The following ACSM1 variants were observed in gnomAD, a reference collection of about 807,000 sequenced individuals.
ACSM1 encodes acyl-coenzyme A synthetase ACSM1, mitochondrial.
Under a neutral mutation model 75.8 loss-of-function variants are expected in ACSM1, and 79 were observed. The ratio of observed to expected loss-of-function variants is 1.04; its 90% confidence interval spans 0.87 to 1.26. The LOEUF (loss-of-function observed/expected upper bound fraction) is 1.26. ACSM1 is among the 50% of genes most tolerant of loss of function. ACSM1 has a pLI of 0.00. For missense variants in ACSM1, 676 were observed against 720.1 expected, an observed-to-expected ratio of 0.94 and a Z score of 0.70; for synonymous variants, 279 against 265.8, an observed-to-expected ratio of 1.05 and a Z score of -0.48.
At chr16:20,678,600 T>A (rs2079365006) in intron 4 of ACSM1, among the ~76,000 whole-genome samples, 2 of 152,154 alleles carry the variant, frequency 1.3e-5, no homozygotes, top group African/African-American at 4.8e-5. Flanking sequence ...GTGACCAAAG[T>A]GTTGTTAAAA....
chr16:20,688,962 CTTA>C (rs1399443429), intron 2 of ACSM1, among the ~76,000 whole-genome samples: 6 of 148,016 alleles, frequency 4.1e-5, no homozygotes, highest in East Asian at 1.9e-4. Context: ...TATATGTTAA[CTTA>C]TTAACATATA....
intron 4 of ACSM1, chr16:20,681,460 C>T (rs1477505630): frequency 6.6e-6 from 1 of 152,170 alleles, no homozygotes; most frequent in Non-Finnish European, 1.5e-5. Context: ...GGTTCTCAAC[C>T]TTTGGAGGAT....
intron 8 of ACSM1, 109 bp downstream of exon 8, chr16:20,640,352 G>T: frequency 1.6e-6 from 2 of 1,270,214 alleles, no homozygotes; most frequent in Non-Finnish European, 2.2e-6. Flanking sequence ...AATCATCTTT[G>T]GGGAAAGGCA....
chr16:20,682,906 C>G (rs1277536477), intron 3 of ACSM1, among the ~76,000 whole-genome samples: 1 of 152,042 alleles, frequency 6.6e-6, no homozygotes, highest in Admixed American at 6.6e-5. Flanking sequence ...TCCCCTCTTT[C>G]CTTCATTCTG....
chr16:20,637,123 G>C, intron 9 of ACSM1: 1 of 759,996 alleles, frequency 1.3e-6, no homozygotes. Context: ...AGGGCTCCCA[G>C]TGCAGCCTCT....
At position 20,671,651 on chromosome 16, in the gene ACSM1, G is replaced by T; in HGVS notation, c.632C>A (p.Thr211Asn). ...SLVKSASPEH[T>N]CVKSKTLDPM... is the part of the protein sequence containing the mutation. ...GTCCAAGGTCTTTGACTTAACACAG[G>T]TGTGTTCTGGGGATGCTGATCTGCA... Residue 211 changes from threonine to asparagine, a missense_variant, in exon 5 of 14, where the codon ACC (threonine) becomes AAC (asparagine). Thr to Asn is a moderately conservative substitution (Grantham distance 65). Coordinates refer to ENST00000520010, the MANE Select transcript of ACSM1 (RefSeq NM_001318890.3). The T allele has an allele frequency of 6.2e-7, 1 of 1,604,056 alleles. No homozygotes were observed. The highest frequency in any genetic ancestry group is 8.5e-7 in the Non-Finnish European group (1 of 1,174,490).
At chr16:20,671,804 G>C in intron 4 of ACSM1, 133 bp from the exon 5 acceptor site, 1 of 995,764 alleles carries the variant, frequency 1.0e-6, no homozygotes. Context: ...TGGCTCTCCC[G>C]GAGTTAGGCA....
At position 20,627,181 on chromosome 16, in the gene ACSM1, A is replaced by G; in HGVS notation, c.1427+8T>C. 1 of 1,527,154 alleles carries G rather than the reference A, an allele frequency of 6.5e-7. No individual in the cohort carries two copies. The highest frequency in any genetic ancestry group is 8.7e-7 in the Non-Finnish European group (1 of 1,146,074). The allele number at this position is 1,527,154 out of a possible 1,614,324, so 94.6% of individuals were successfully genotyped here. ...AACAACAGCCAGCCCAGCATCAGCC[A>G]CACCTACCCAGAGGCATTAATGATG... On this transcript the variant is annotated splice_region_variant and intron_variant, in intron 11 of 13. Transcript: ENST00000520010.
intron 3 of ACSM1, 55 bp from the exon 4 acceptor site, chr16:20,682,518 T>G (rs2079469005): frequency 6.8e-7 from 1 of 1,467,982 alleles, no homozygotes; most frequent in Admixed American, 1.7e-5. Context: ...ACCATGGGCT[T>G]TAGACTTGGC....
chr16:20,689,658 AAAAC>A (rs2079617336), intron 2 of ACSM1, among the ~76,000 whole-genome samples: 1 of 152,250 alleles, frequency 6.6e-6, no homozygotes, highest in African/African-American at 2.4e-5. Context: ...TTAATTTTGA[AAAAC>A]AAAATTGCAT....
At chr16:20,696,865 G>A (rs1380532250) in intron 1 of ACSM1, among the ~76,000 whole-genome samples, 4 of 152,128 alleles carry the variant, frequency 2.6e-5, no homozygotes, top group Non-Finnish European at 4.4e-5. Flanking sequence ...CAGAGCCAGG[G>A]CTAGATGTTT....
intron 6 of ACSM1, among the ~76,000 whole-genome samples, chr16:20,665,245 T>G (rs917096056): frequency 6.6e-6 from 1 of 152,024 alleles, no homozygotes; most frequent in African/African-American, 2.4e-5. Flanking sequence ...ATTGATAGAC[T>G]GCTAGCTAGA....
intron 1 of ACSM1, among the ~76,000 whole-genome samples, chr16:20,693,920 A>G (rs987710631): frequency 2.0e-5 from 3 of 152,236 alleles, no homozygotes; most frequent in Non-Finnish European, 4.4e-5. Context: ...CTTCTCTTAA[A>G]AGCAAAATTT....
At chr16:20,658,359 T>C (rs190778350) in intron 7 of ACSM1, among the ~76,000 whole-genome samples, 29 of 152,328 alleles carry the variant, frequency 1.9e-4, no homozygotes, top group Non-Finnish European at 4.0e-4. Flanking sequence ...TGATGGCCAG[T>C]GATGATGAGC....
chr16:20,692,995 C>G (rs1382323713), intron 1 of ACSM1, among the ~76,000 whole-genome samples: 3 of 151,832 alleles, frequency 2.0e-5, no homozygotes, highest in African/African-American at 4.8e-5. Context: ...ATGATGAAAC[C>G]CTGTCTCTAC....
At chr16:20,649,999 G>T (rs563433324) in intron 7 of ACSM1, among the ~76,000 whole-genome samples, 3 of 152,218 alleles carry the variant, frequency 2.0e-5, no homozygotes, top group Admixed American at 2.0e-4. Flanking sequence ...GACCTTGAAG[G>T]AGTTGCCCAA....
chr16:20,681,222 T>TAAAAGCAAC (rs2152307711), intron 4 of ACSM1: 1 of 152,194 alleles, frequency 6.6e-6, no homozygotes, highest in East Asian at 1.9e-4. Flanking sequence ...TTATTGGCAA[T>TAAAAGCAAC]ACAAGCAACA....
At chr16:20,655,842 T>C (rs2018930332) in intron 7 of ACSM1, among the ~76,000 whole-genome samples, 1 of 152,096 alleles carries the variant, frequency 6.6e-6, no homozygotes, top group South Asian at 2.1e-4. Context: ...TTTCTATTTT[T>C]AGTAGACATG....
chr16:20,631,146 G>A (rs1452983773), intron 10 of ACSM1, among the ~76,000 whole-genome samples: 1 of 152,198 alleles, frequency 6.6e-6, no homozygotes, highest in African/African-American at 2.4e-5. Flanking sequence ...TGGAGACTGG[G>A]AATGCAAGAT....
Sources: allele counts gnomAD v4.1 joint callset (sites outside exome capture counted in the v4.1 genomes callset), GRCh38; gene constraint gnomAD v4.1.1; transcripts MANE v1.5; gene names NCBI Gene and HGNC (gene_info 2026-07-23, HGNC 2026-07-21).